Variants in HAS2 observed in about 807,000 individuals in gnomAD.
The protein encoded by HAS2 is HA synthase 2.
In HAS2, 16 loss-of-function variants were observed where a neutral mutation model predicts 51.6. The ratio of observed to expected loss-of-function variants is 0.31; its 90% confidence interval spans 0.21 to 0.47. The LOEUF is 0.47. HAS2 is among the 20% of genes least tolerant of loss of function. The pLI, the probability that HAS2 is intolerant of heterozygous loss-of-function variation, is 1.00. For synonymous variants in HAS2, 228 were observed against 235.5 expected, an observed-to-expected ratio of 0.97 and a Z score of 0.29; for missense variants, 361 against 662.6, an observed-to-expected ratio of 0.54 and a Z score of 5.00.
chr8:121,621,956 G>A (rs1487580693), intron 2 of HAS2, among the ~76,000 whole-genome samples: 1 of 152,104 alleles, frequency 6.6e-6, no homozygotes, highest in African/African-American at 2.4e-5. Context: ...GAGGAAACAG[G>A]TTGAAAATAA....
chr8:121,638,869 A>G (rs1813048173), intron 1 of HAS2, among the ~76,000 whole-genome samples: 1 of 152,216 alleles, frequency 6.6e-6, no homozygotes, highest in Admixed American at 6.5e-5. Context: ...GTTCTTTTCA[A>G]TTCAAGTCAT....
intron 1 of HAS2, chr8:121,639,769 G>C (rs1033847836): frequency 2.0e-5 from 3 of 152,240 alleles, no homozygotes; most frequent in Non-Finnish European, 2.9e-5. Context: ...GACCCATTTC[G>C]GAGCCCTGGC....
intron 2 of HAS2, among the ~76,000 whole-genome samples, chr8:121,618,985 C>A (rs908068239): frequency 4.0e-5 from 6 of 151,488 alleles, no homozygotes; most frequent in South Asian, 4.2e-4. Context: ...GGAAATTAAC[C>A]AATTAGTAGA....
chr8:121,623,018 G>A (rs1812793837), intron 2 of HAS2, among the ~76,000 whole-genome samples: 1 of 152,040 alleles, frequency 6.6e-6, no homozygotes, highest in Non-Finnish European at 1.5e-5. Context: ...GGATGGGGAG[G>A]AGGTTCTTCC....
At position 121,612,964 on chromosome 8, in the gene HAS2, A is replaced by C. The variant is rs1165282277; in HGVS notation, c.*1145T>G. Reference sequence around the variant, plus strand: ...GCAAGTTGAAAAAAAAAAAAAAGACAGGCAAAACATGTTCAATGTGTAGGT... The same window carrying C: ...GCAAGTTGAAAAAAAAAAAAAAGACCGGCAAAACATGTTCAATGTGTAGGT... On this transcript the variant is annotated 3_prime_UTR_variant, in exon 4 of 4. Transcript: ENST00000303924. 2.6e-5 allele frequency: 4 copies of C among 151,698 alleles called. No homozygotes were observed. The East Asian group carries it at 5.8e-4, about 22-fold the overall frequency. 9.4% of individuals were successfully genotyped at this position (151,698 alleles called of 1,614,324 possible). A position where few individuals can be genotyped will look rare whatever the true frequency, so the allele number is the denominator to read the frequency against.
At chr8:121,615,795 C>T (rs1309829804) in intron 3 of HAS2, among the ~76,000 whole-genome samples, 1 of 152,088 alleles carries the variant, frequency 6.6e-6, no homozygotes, top group African/African-American at 2.4e-5. Context: ...TTTATCCACA[C>T]TTTTTTTGCA....
chr8:121,613,840 C>G lies in HAS2; in HGVS notation c.*269G>C, dbSNP rs1265191044. On this transcript the variant is annotated 3_prime_UTR_variant, in exon 4 of 4. Coordinates refer to ENST00000303924, the MANE Select transcript of HAS2 (RefSeq NM_005328.3). ...CTAGTGAGGTATATAGGGCAAAACA[C>G]TTTCAGGCGGATGCACAGTAAGGAA... 1 of 489,370 alleles carries G rather than the reference C, an allele frequency of 2.0e-6. No homozygotes were observed. The highest frequency in any genetic ancestry group is 1.9e-5 in the African/African-American group (1 of 51,544). The allele number at this position is 489,370 out of a possible 1,614,324, so 30.3% of individuals were successfully genotyped here. A position where few individuals can be genotyped will look rare whatever the true frequency, so the allele number is the denominator to read the frequency against.
At chr8:121,617,419 T>G (rs552312713) in intron 2 of HAS2, among the ~76,000 whole-genome samples, 1 of 152,272 alleles carries the variant, frequency 6.6e-6, no homozygotes, top group East Asian at 1.9e-4. Context: ...TTAATGACAT[T>G]GCTGGGTAGA....
At chr8:121,631,475 A>C (rs1418589207) in intron 1 of HAS2, among the ~76,000 whole-genome samples, 1 of 152,228 alleles carries the variant, frequency 6.6e-6, no homozygotes, top group African/African-American at 2.4e-5. Flanking sequence ...TTGCAGCTTA[A>C]AGGATCAGTT....
At chr8:121,622,844 T>G (rs1298658272) in intron 2 of HAS2, among the ~76,000 whole-genome samples, 1 of 152,046 alleles carries the variant, frequency 6.6e-6, no homozygotes. Context: ...TATAAACATA[T>G]AGCTAAGTTA....
At chr8:121,634,067 C>T (rs1052786040) in intron 1 of HAS2, among the ~76,000 whole-genome samples, 13 of 152,116 alleles carry the variant, frequency 8.5e-5, no homozygotes, top group Non-Finnish European at 1.6e-4. Context: ...TGTGCCACCA[C>T]GCCTGGCTAA....
At chr8:121,638,326 T>A (rs999368462) in intron 1 of HAS2, among the ~76,000 whole-genome samples, 3 of 152,222 alleles carry the variant, frequency 2.0e-5, no homozygotes, top group Non-Finnish European at 2.9e-5. Flanking sequence ...TGACTAAATA[T>A]CTTTGCTTTA....
intron 2 of HAS2, among the ~76,000 whole-genome samples, chr8:121,622,741 CAACA>C (rs1486016079): frequency 2.0e-5 from 3 of 149,904 alleles, no homozygotes; most frequent in Non-Finnish European, 4.4e-5. Context: ...AATAATATTA[CAACA>C]AACTTCTAAG....
chr8:121,617,923 A>G lies in HAS2; in HGVS notation c.628-717T>C, dbSNP rs1024109873. 5.9e-5 allele frequency among the ~76,000 whole-genome samples: 9 copies of G among 152,058 alleles called. No individual in the cohort carries two copies. In the East Asian group the frequency reaches 1.5e-3, roughly 26 times the overall value. ...ATTAAGTGTTCATCTGGCCCTCTGA[A>G]TTTAAAAGTGGATATAAATCACTTT... On this transcript the variant is annotated intron_variant, in intron 2 of 3. Coordinates refer to ENST00000303924, the MANE Select transcript of HAS2 (RefSeq NM_005328.3).
chr8:121,630,123 C>T (rs11986885), intron 1 of HAS2, among the ~76,000 whole-genome samples: 9,739 of 152,118 alleles, frequency 0.064, 329 homozygotes, highest in Middle Eastern at 0.068. Flanking sequence ...CTCCTCCATC[C>T]GCCATCATGA....
At position 121,613,728 on chromosome 8, in the gene HAS2, T is replaced by A. The variant is rs776451636; in HGVS notation, c.*381A>T. ...AAAAAATTATCATCTATCAAAACAGTCCATAAGTTAGGTTGTATAGGTTGA... is the reference window on the plus strand; with the variant it reads ...AAAAAATTATCATCTATCAAAACAGACCATAAGTTAGGTTGTATAGGTTGA... On this transcript the variant is annotated 3_prime_UTR_variant, in exon 4 of 4. Transcript: ENST00000303924. The A allele has an allele frequency of 9.7e-5, 20 of 205,654 alleles. No individual in the cohort carries two copies. Among genetic ancestry groups the A allele is most frequent in the Non-Finnish European group, 1.8e-4 (18 of 99,648 alleles). 12.7% of individuals were successfully genotyped at this position (205,654 alleles called of 1,614,324 possible). A position where few individuals can be genotyped will look rare whatever the true frequency, so the allele number is the denominator to read the frequency against.
intron 2 of HAS2, among the ~76,000 whole-genome samples, chr8:121,626,925 G>C (rs565895597): frequency 6.6e-6 from 1 of 152,276 alleles, no homozygotes; most frequent in South Asian, 2.1e-4. Flanking sequence ...AGGAAGAAAA[G>C]TTCTCAAGCC....
intron 2 of HAS2, among the ~76,000 whole-genome samples, chr8:121,627,834 A>T (rs1812875074): frequency 6.6e-6 from 1 of 152,182 alleles, no homozygotes; most frequent in South Asian, 2.1e-4. Context: ...GAGAGGAAGA[A>T]CATCCCAGTG....
intron 1 of HAS2, among the ~76,000 whole-genome samples, chr8:121,630,624 C>T (rs1400847394): frequency 2.0e-5 from 3 of 152,128 alleles, no homozygotes; most frequent in Non-Finnish European, 4.4e-5. Context: ...CTCATATTTA[C>T]ATGTATTTAG....
Sources: gnomAD v4.1 joint callset for allele counts (sites outside exome capture counted in the v4.1 genomes callset) on GRCh38, gnomAD v4.1.1 for gene constraint, MANE v1.5 for transcripts, NCBI Gene and HGNC (gene_info 2026-07-23, HGNC 2026-07-21) for gene names.